PRIMA1: variants seen among roughly 807,000 people sequenced by gnomAD.
PRIMA1 encodes proline-rich membrane anchor 1.
In PRIMA1, 7 loss-of-function variants were observed where a neutral mutation model predicts 17.5. The observed-to-expected ratio is 0.40, with a 90% CI of 0.23 to 0.75. The LOEUF is 0.75. Ranked by LOEUF, PRIMA1 falls within the 30% of genes least tolerant of loss-of-function variation. The probability of loss-of-function intolerance (pLI) is 0.37; values close to 1 mark genes in which losing one functional copy is unlikely to be tolerated. For synonymous variants in PRIMA1, 97 were observed against 77.9 expected, an observed-to-expected ratio of 1.25 and a Z score of -1.29; for missense variants, 200 against 201.8, an observed-to-expected ratio of 0.99 and a Z score of 0.05.
chr14:93,760,253 A>T (rs181709637), intron 3 of PRIMA1, among the ~76,000 whole-genome samples: 12 of 152,252 alleles, frequency 7.9e-5, no homozygotes, highest in Middle Eastern at 6.8e-3. Context: ...CGTGAGATTC[A>T]TTGTCCTACC....
At chr14:93,748,009 AGT>A (rs1011169116) in intron 3 of PRIMA1, among the ~76,000 whole-genome samples, 2 of 142,186 alleles carry the variant, frequency 1.4e-5, no homozygotes, top group South Asian at 2.3e-4. Flanking sequence ...AGTGTATATG[AGT>A]GTGTGAGAGT....
Position 93,721,382 on chromosome 14 carries a change from T to C in PRIMA1, c.*62A>G, listed in dbSNP as rs2076036695. 3 of 1,104,862 alleles carry C rather than the reference T, an allele frequency of 2.7e-6. No individual in the cohort carries two copies. The highest frequency in any genetic ancestry group is 3.6e-5 in the Admixed American group (2 of 56,002). The allele number at this position is 1,104,862 out of a possible 1,614,324, so 68.4% of individuals were successfully genotyped here. On this transcript the variant is annotated 3_prime_UTR_variant, in exon 5 of 5. Coordinates refer to ENST00000393140, the MANE Select transcript of PRIMA1 (RefSeq NM_178013.4). ...CAGGGTTAGCTCATGTCCACCTGCT[T>C]TCCCATGTCCACCAGTGCCACCAAG... is the stretch of plus-strand genomic sequence containing the variant.
intron 4 of PRIMA1, among the ~76,000 whole-genome samples, chr14:93,723,501 C>T (rs898059682): frequency 1.3e-5 from 2 of 152,212 alleles, no homozygotes; most frequent in African/African-American, 4.8e-5. Flanking sequence ...AGAGACTACA[C>T]ACTGAGCTCA....
intron 4 of PRIMA1, among the ~76,000 whole-genome samples, chr14:93,734,740 G>C: frequency 8.5e-6 from 1 of 118,240 alleles, no homozygotes; most frequent in Admixed American, 8.9e-5. Context: ...CCCACGCCCT[G>C]GTGGAGCCCC....
At chr14:93,778,906 C>T (rs1442189728) in intron 3 of PRIMA1, among the ~76,000 whole-genome samples, 1 of 151,776 alleles carries the variant, frequency 6.6e-6, no homozygotes, top group African/African-American at 2.4e-5. Flanking sequence ...ATCTGGCCTT[C>T]GGAACTATCC....
At chr14:93,778,740 T>C (rs2141193283) in intron 3 of PRIMA1, among the ~76,000 whole-genome samples, 1 of 152,342 alleles carries the variant, frequency 6.6e-6, no homozygotes, top group African/African-American at 2.4e-5. Context: ...TTGGTGCACA[T>C]AGCTGAATGG....
At chr14:93,742,859 A>G (rs2141165282) in intron 3 of PRIMA1, among the ~76,000 whole-genome samples, 1 of 152,328 alleles carries the variant, frequency 6.6e-6, no homozygotes, top group Non-Finnish European at 1.5e-5. Flanking sequence ...AACAGGCCAC[A>G]CAGCCAGGGG....
chr14:93,772,823 T>C (rs2141188705), intron 3 of PRIMA1, among the ~76,000 whole-genome samples: 1 of 152,324 alleles, frequency 6.6e-6, no homozygotes, highest in Non-Finnish European at 1.5e-5. Flanking sequence ...AATCTGATGC[T>C]CCTATCTCAG....
At chr14:93,736,038 G>C (rs1281193818) in intron 4 of PRIMA1, among the ~76,000 whole-genome samples, 1 of 152,156 alleles carries the variant, frequency 6.6e-6, no homozygotes, top group African/African-American at 2.4e-5. Context: ...CAGGGTCTTA[G>C]AGCATTGGGC....
intron 4 of PRIMA1, among the ~76,000 whole-genome samples, chr14:93,724,865 T>C (rs1246277712): frequency 2.0e-5 from 3 of 152,028 alleles, no homozygotes; most frequent in African/African-American, 7.2e-5. Context: ...GGGTGGATAA[T>C]GAAGAAATGA....
intron 2 of PRIMA1, among the ~76,000 whole-genome samples, chr14:93,786,632 C>A (rs1410415176): frequency 1.3e-5 from 2 of 152,018 alleles, no homozygotes; most frequent in Non-Finnish European, 2.9e-5. Context: ...CTACAAATAC[C>A]CCAGAGTGGA....
At chr14:93,735,424 T>C (rs917633316) in intron 4 of PRIMA1, among the ~76,000 whole-genome samples, 3 of 152,146 alleles carry the variant, frequency 2.0e-5, no homozygotes, top group Non-Finnish European at 4.4e-5. Flanking sequence ...GCTCCGCTGC[T>C]TAAAACCCTC....
chr14:93,782,373 C>G (rs1885405125), intron 2 of PRIMA1, among the ~76,000 whole-genome samples: 1 of 152,338 alleles, frequency 6.6e-6, no homozygotes, highest in African/African-American at 2.4e-5. Flanking sequence ...AATCCCAACA[C>G]TTTGGGAGAC....
In PRIMA1 at chr14:93,772,671, G is replaced by A. The variant is rs1026634084; in HGVS notation, c.229+6505C>T. Among the ~76,000 whole-genome samples, 7 of 152,354 alleles carry A rather than the reference G, an allele frequency of 4.6e-5. No homozygotes were observed. The South Asian group carries it at 1.0e-3, about 23-fold the overall frequency. On this transcript the variant is annotated intron_variant, in intron 3 of 4. Coordinates refer to ENST00000393140, the MANE Select transcript of PRIMA1 (RefSeq NM_178013.4). Reference sequence around the variant, plus strand: ...GAAATACCTTCACCAGGGACACTCCGTTGACACTGAGGATCACATGCCTGG... The same window carrying A: ...GAAATACCTTCACCAGGGACACTCCATTGACACTGAGGATCACATGCCTGG...
Position 93,737,381 on chromosome 14 carries a change from CAGG to C in PRIMA1, c.230-14_230-12del, listed in dbSNP as rs1787222340. Reference sequence around the variant, plus strand: ...AGGTAGAGTTGGGAGCTGAAAAAGACAGGAGCAGCCTGAGTGTCACCTGGATGA... The same window carrying C: ...AGGTAGAGTTGGGAGCTGAAAAAGACAGCAGCCTGAGTGTCACCTGGATGA... On this transcript the variant is annotated splice_polypyrimidine_tract_variant and intron_variant, in intron 3 of 4. Transcript: ENST00000393140. The C allele has an allele frequency of 1.9e-6, 3 of 1,612,800 alleles. No individual in the cohort carries two copies. Among genetic ancestry groups the C allele is most frequent in the Non-Finnish European group, 2.5e-6 (3 of 1,179,412 alleles).
At chr14:93,762,860 G>A (rs1167531972) in intron 3 of PRIMA1, among the ~76,000 whole-genome samples, 1 of 152,082 alleles carries the variant, frequency 6.6e-6, no homozygotes, top group South Asian at 2.1e-4. Context: ...AGGCACATAG[G>A]CCTCTTGCTG....
chr14:93,782,808 G>A (rs374627361), intron 2 of PRIMA1, among the ~76,000 whole-genome samples: 8 of 152,162 alleles, frequency 5.3e-5, no homozygotes, highest in Non-Finnish European at 1.0e-4. Context: ...AGCCTGTGGC[G>A]TCTGAGCCTG....
At chr14:93,724,797 A>C (rs1424553547) in intron 4 of PRIMA1, among the ~76,000 whole-genome samples, 1 of 152,186 alleles carries the variant, frequency 6.6e-6, no homozygotes, top group Non-Finnish European at 1.5e-5. Context: ...CTTAGGGCTA[A>C]AATAAAAACA....
intron 3 of PRIMA1, among the ~76,000 whole-genome samples, chr14:93,763,961 C>T (rs1884810822): frequency 6.6e-6 from 1 of 152,136 alleles, no homozygotes; most frequent in African/African-American, 2.4e-5. Flanking sequence ...TGTGTCAAAG[C>T]CTGGGACTCG....
Sources: allele counts gnomAD v4.1 joint callset (sites outside exome capture counted in the v4.1 genomes callset), GRCh38; gene constraint gnomAD v4.1.1; transcripts MANE v1.5; gene names NCBI Gene and HGNC (gene_info 2026-07-23, HGNC 2026-07-21).